UNC13C: variants seen among roughly 807,000 people sequenced by gnomAD.
The protein encoded by UNC13C is protein unc-13 homolog C.
UNC13C carries 174 observed loss-of-function variants against 245.4 expected under a neutral mutation model. The ratio of observed to expected loss-of-function variants is 0.71; its 90% CI spans 0.63 to 0.80. The LOEUF (loss-of-function observed/expected upper bound fraction) is 0.80, where lower values mean the gene tolerates loss of function less well. UNC13C is among the 30% of genes least tolerant of loss of function. The pLI is 0.00. For synonymous variants in UNC13C, 992 were observed against 895.1 expected, an observed-to-expected ratio of 1.11 and a Z score of -1.93; for missense variants, 2,829 against 2,602.9, an observed-to-expected ratio of 1.09 and a Z score of -1.89.
chr15:54,166,581 G>C (rs1046113271), intron 4 of UNC13C, among the ~76,000 whole-genome samples: 1 of 152,056 alleles, frequency 6.6e-6, no homozygotes, highest in Non-Finnish European at 1.5e-5. Context: ...TTTATTTGCA[G>C]ACAGAATGAT....
intron 22 of UNC13C, among the ~76,000 whole-genome samples, chr15:54,505,932 T>C (rs555522521): frequency 2.0e-4 from 30 of 152,106 alleles, no homozygotes; most frequent in Non-Finnish European, 3.7e-4. Context: ...AAGGTTTTCC[T>C]ATGAAGTAGA....
At chr15:54,259,970 T>G (rs1404389955) in intron 8 of UNC13C, among the ~76,000 whole-genome samples, 1 of 152,162 alleles carries the variant, frequency 6.6e-6, no homozygotes, top group African/African-American at 2.4e-5. Flanking sequence ...GGCAGGAGTT[T>G]GCAAGAATTT....
At chr15:53,954,195 C>T in the UNC13C span, among the ~76,000 whole-genome samples, 1 of 152,182 alleles carries the variant, frequency 6.6e-6, no homozygotes, top group African/African-American at 2.4e-5. Flanking sequence ...AAATGGTTAT[C>T]ATCAGCTTAT....
At chr15:54,522,565 A>G (rs1232212031) in intron 24 of UNC13C, among the ~76,000 whole-genome samples, 2 of 152,118 alleles carry the variant, frequency 1.3e-5, no homozygotes, top group Non-Finnish European at 2.9e-5. Flanking sequence ...CTATTACCAC[A>G]GCTCAATGGT....
intron 2 of UNC13C, among the ~76,000 whole-genome samples, chr15:54,096,698 C>A (rs552523287): frequency 6.6e-6 from 1 of 152,254 alleles, no homozygotes; most frequent in African/African-American, 2.4e-5. Flanking sequence ...TGGCTCCGAC[C>A]TTTCTCTCCA....
chr15:54,483,588 C>T (rs754172708), intron 19 of UNC13C, among the ~76,000 whole-genome samples: 21 of 152,234 alleles, frequency 1.4e-4, no homozygotes, highest in Non-Finnish European at 2.6e-4. Context: ...GTCCACCTCC[C>T]GGCTTCAAGC....
chr15:54,078,167 C>T (rs1898738263), intron 2 of UNC13C, among the ~76,000 whole-genome samples: 1 of 152,272 alleles, frequency 6.6e-6, no homozygotes, highest in African/African-American at 2.4e-5. Context: ...GGAGGCTATA[C>T]ATGTGGTTTT....
chr15:54,581,842 A>G (rs1467902715), intron 30 of UNC13C, among the ~76,000 whole-genome samples: 22 of 152,262 alleles, frequency 1.4e-4, no homozygotes, highest in Admixed American at 1.2e-3. Context: ...GAGAACCACT[A>G]AAGAGTCAAT....
In UNC13C at chr15:54,075,415, CGG is replaced by C. The variant is rs1566993288; in HGVS notation, c.2983+59530_2983+59531del. Reference sequence around the variant, plus strand: ...CAGGAGAATGGCGTGAACCTGAAGGCGGAGCTTGCAGTGAGCCGGAGCTTGCA... The same window carrying C: ...CAGGAGAATGGCGTGAACCTGAAGGCAGCTTGCAGTGAGCCGGAGCTTGCA... On this transcript the variant is annotated intron_variant, in intron 2 of 32. Transcript: ENST00000260323. Among the ~76,000 whole-genome samples, 126 of 78,776 alleles carry C rather than the reference CGG, an allele frequency of 1.6e-3. 4 individuals are homozygous for C. The South Asian group carries it at 0.04, about 25-fold the overall frequency. The allele number at this position is 78,776 out of a possible 152,430, so 51.7% of individuals were successfully genotyped here.
At chr15:54,445,990 C>T (rs1315997623) in intron 19 of UNC13C, among the ~76,000 whole-genome samples, 1 of 152,140 alleles carries the variant, frequency 6.6e-6, no homozygotes, top group Admixed American at 6.6e-5. Context: ...GGAAGGGATC[C>T]AGTTTCAGCT....
intron 14 of UNC13C, among the ~76,000 whole-genome samples, chr15:54,324,093 A>G (rs1022719611): frequency 6.6e-6 from 1 of 152,074 alleles, no homozygotes; most frequent in African/African-American, 2.4e-5. Flanking sequence ...GGGCCAAAAG[A>G]AAGAGAAATG....
intron 4 of UNC13C, among the ~76,000 whole-genome samples, chr15:54,225,690 A>C (rs1392024428): frequency 6.6e-6 from 1 of 152,256 alleles, no homozygotes; most frequent in Admixed American, 6.5e-5. Flanking sequence ...GTTGCTTATC[A>C]GCTTAAGAAG....
intron 8 of UNC13C, among the ~76,000 whole-genome samples, chr15:54,250,983 C>A (rs527368772): frequency 1.8e-4 from 27 of 152,000 alleles, no homozygotes; most frequent in African/African-American, 6.3e-4. Flanking sequence ...GTCTCCATCT[C>A]CTGACCTCAT....
At chr15:53,980,775 A>G (rs1037359051) in intron 1 of UNC13C, among the ~76,000 whole-genome samples, 4 of 152,208 alleles carry the variant, frequency 2.6e-5, no homozygotes, top group Non-Finnish European at 5.9e-5. Context: ...AATACGAGGT[A>G]AAGTGTTAGC....
At chr15:54,424,804 G>A (rs1036761172) in intron 19 of UNC13C, among the ~76,000 whole-genome samples, 2 of 151,858 alleles carry the variant, frequency 1.3e-5, no homozygotes, top group Middle Eastern at 3.2e-3. Flanking sequence ...GGAAAGGACA[G>A]GAGCAGCTTG....
intron 1 of UNC13C, among the ~76,000 whole-genome samples, chr15:54,005,747 G>A (rs192820869): frequency 2.0e-5 from 3 of 152,292 alleles, no homozygotes; most frequent in Non-Finnish European, 2.9e-5. Flanking sequence ...GAACAGATTA[G>A]GTGGAGGACA....
chr15:54,000,149 G>C (rs1480015509), intron 1 of UNC13C, among the ~76,000 whole-genome samples: 1 of 152,080 alleles, frequency 6.6e-6, no homozygotes, highest in African/African-American at 2.4e-5. Context: ...AATGGAGTAT[G>C]CCTCCTAAAA....
At chr15:53,879,139 T>A in the UNC13C span, among the ~76,000 whole-genome samples, 1 of 152,086 alleles carries the variant, frequency 6.6e-6, no homozygotes, top group Admixed American at 6.6e-5. Context: ...TTTAAATGGG[T>A]TCGATATTAA....
Position 54,500,861 on chromosome 15 carries a change from C to T in UNC13C, c.5184C>T (p.Leu1728=), listed in dbSNP as rs755934391. The change falls in exon 22 of 33, where the codon CTC becomes CTT. Residue 1728 remains leucine (L), a synonymous_variant. Coordinates refer to ENST00000260323, the MANE Select transcript of UNC13C (RefSeq NM_001080534.3). ...DGFQQTSEHA[L]FSCSVVDVFA... Reference sequence around the variant, plus strand: ...TCCAGCAGACATCTGAGCATGCTCTCTTTTCTTGCTCCGTGGTTGATGTCT... The same window carrying T: ...TCCAGCAGACATCTGAGCATGCTCTTTTTTCTTGCTCCGTGGTTGATGTCT... 8 of 1,612,944 alleles carry T rather than the reference C, an allele frequency of 5.0e-6. No homozygotes were observed. Among genetic ancestry groups the T allele is most frequent in the Non-Finnish European group, 5.9e-6 (7 of 1,179,250 alleles).
Sources: gnomAD v4.1 joint callset for allele counts (sites outside exome capture counted in the v4.1 genomes callset) on GRCh38, gnomAD v4.1.1 for gene constraint, MANE v1.5 for transcripts, NCBI Gene and HGNC (gene_info 2026-07-23, HGNC 2026-07-21) for gene names.